Variants in CAMK1D observed in about 807,000 individuals in gnomAD.
CAMK1D encodes calcium/calmodulin dependent protein kinase ID.
A neutral mutation model predicts 47.7 loss-of-function variants in CAMK1D; 9 were observed. The ratio of observed to expected loss-of-function variants is 0.19; its 90% CI spans 0.11 to 0.33. CAMK1D has a LOEUF of 0.33. Among genes scored for constraint, CAMK1D ranks in the 10% least tolerant of loss-of-function variants. The probability of loss-of-function intolerance (pLI) is 1.00; values close to 1 mark genes in which losing one functional copy is unlikely to be tolerated. For missense variants in CAMK1D, 291 were observed against 488.7 expected (o/e 0.60, Z 3.81); for synonymous variants, 184 against 184.9 (o/e 0.99, Z 0.04).
chr10:12,580,451 A>C (rs868043498), intron 2 of CAMK1D, among the ~76,000 whole-genome samples: 2 of 150,200 alleles, frequency 1.3e-5, no homozygotes, highest in South Asian at 4.2e-4. Context: ...TGACTCTGCA[A>C]TTGTTGAATT....
chr10:12,615,091 A>G (rs1838741626), intron 2 of CAMK1D, among the ~76,000 whole-genome samples: 1 of 152,178 alleles, frequency 6.6e-6, no homozygotes. Flanking sequence ...AATGGCAGGC[A>G]GAACGCCTGA....
At chr10:12,763,639 C>T (rs1283911465) in intron 4 of CAMK1D, among the ~76,000 whole-genome samples, 4 of 152,154 alleles carry the variant, frequency 2.6e-5, no homozygotes, top group Non-Finnish European at 2.9e-5. Flanking sequence ...CTACAAATGT[C>T]CCTAGGCATT....
intron 1 of CAMK1D, among the ~76,000 whole-genome samples, chr10:12,432,847 G>C (rs760781674): frequency 1.1e-4 from 17 of 152,228 alleles, no homozygotes; most frequent in Non-Finnish European, 2.4e-4. Context: ...TCGAAGGCCA[G>C]ATTCCACCCA....
chr10:12,752,876 G>C (rs1274417768), intron 3 of CAMK1D, among the ~76,000 whole-genome samples: 2 of 152,182 alleles, frequency 1.3e-5, no homozygotes, highest in African/African-American at 4.8e-5. Flanking sequence ...GCCTTTGACA[G>C]AGCCATCTCC....
At chr10:12,415,958 G>A (rs887855712) in intron 1 of CAMK1D, 12 of 151,994 alleles carry the variant, frequency 7.9e-5, no homozygotes, top group African/African-American at 2.9e-4. Context: ...TGAATCTGAG[G>A]TTGATTATTA....
chr10:12,529,418 C>T (rs770331310), intron 1 of CAMK1D, among the ~76,000 whole-genome samples: 59 of 152,182 alleles, frequency 3.9e-4, no homozygotes, highest in Admixed American at 1.2e-3. Flanking sequence ...TGGAGTGTCT[C>T]GTCCACATTG....
At chr10:12,605,364 G>GTGTGTGTGTGTGTA (rs765582821) in intron 2 of CAMK1D, among the ~76,000 whole-genome samples, 1 of 151,330 alleles carries the variant, frequency 6.6e-6, no homozygotes, top group Admixed American at 6.6e-5. Flanking sequence ...GTGTGTGTGT[G>GTGTGTGTGTGTGTA]TGTATGTGTG....
At chr10:12,606,880 T>A (rs1308220112) in intron 2 of CAMK1D, among the ~76,000 whole-genome samples, 1 of 152,094 alleles carries the variant, frequency 6.6e-6, no homozygotes, top group Non-Finnish European at 1.5e-5. Flanking sequence ...CGGGCTGGAG[T>A]GCCGTGGCGC....
intron 2 of CAMK1D, among the ~76,000 whole-genome samples, chr10:12,599,675 C>T (rs17151950): frequency 0.03 from 4,502 of 152,272 alleles, 226 homozygotes; most frequent in African/African-American, 0.1. Context: ...TTGTGTCCTC[C>T]ATGAAGAGAT....
At chr10:12,736,085 C>A (rs1427936257) in intron 3 of CAMK1D, among the ~76,000 whole-genome samples, 1 of 152,210 alleles carries the variant, frequency 6.6e-6, no homozygotes, top group Non-Finnish European at 1.5e-5. Flanking sequence ...TGAAATGTGG[C>A]CTTTCTTCAT....
chr10:12,404,332 C>T (rs972346638), intron 1 of CAMK1D, among the ~76,000 whole-genome samples: 2 of 152,126 alleles, frequency 1.3e-5, no homozygotes, highest in Non-Finnish European at 2.9e-5. Flanking sequence ...GGCGTGAGCC[C>T]CTGCGCCCGG....
intron 3 of CAMK1D, among the ~76,000 whole-genome samples, chr10:12,692,352 T>C (rs1832963183): frequency 6.6e-6 from 1 of 152,204 alleles, no homozygotes; most frequent in African/African-American, 2.4e-5. Context: ...CACACTTTGG[T>C]ATATGTTAGG....
intron 5 of CAMK1D, among the ~76,000 whole-genome samples, chr10:12,780,694 A>G (rs1023412431): frequency 6.6e-6 from 1 of 152,220 alleles, no homozygotes; most frequent in African/African-American, 2.4e-5. Flanking sequence ...TCTCACTTAA[A>G]TACCATATTT....
At chr10:12,443,706 T>C (rs1832851078) in intron 1 of CAMK1D, among the ~76,000 whole-genome samples, 1 of 152,198 alleles carries the variant, frequency 6.6e-6, no homozygotes, top group Admixed American at 6.5e-5. Context: ...CTTGGCTCAC[T>C]ACAGCCTCCG....
chr10:12,558,386 T>C (rs147964136), intron 2 of CAMK1D, among the ~76,000 whole-genome samples: 1 of 152,248 alleles, frequency 6.6e-6, no homozygotes, highest in African/African-American at 2.4e-5. Context: ...AAACCCCATC[T>C]CTATTCAAAC....
At chr10:12,524,137 T>C (rs1459665810) in intron 1 of CAMK1D, among the ~76,000 whole-genome samples, 2 of 151,552 alleles carry the variant, frequency 1.3e-5, no homozygotes, top group Non-Finnish European at 2.9e-5. Context: ...CGTAATTTTT[T>C]GTATTTTTTA....
intron 2 of CAMK1D, among the ~76,000 whole-genome samples, chr10:12,665,996 CA>C (rs1193639977): frequency 6.6e-6 from 1 of 152,032 alleles, no homozygotes; most frequent in African/African-American, 2.4e-5. Context: ...CATCTTATTA[CA>C]ATACTGATTC....
chr10:12,716,710 A>C (rs926624132), intron 3 of CAMK1D, among the ~76,000 whole-genome samples: 2 of 152,046 alleles, frequency 1.3e-5, no homozygotes, highest in African/African-American at 4.8e-5. Flanking sequence ...GGCATCATGC[A>C]GAGAGTGGGC....
chr10:12,554,912 G>A (rs1282996704), intron 2 of CAMK1D, among the ~76,000 whole-genome samples: 1 of 152,120 alleles, frequency 6.6e-6, no homozygotes, highest in African/African-American at 2.4e-5. Context: ...TGTCCACACC[G>A]TTCCCCACAC....
Sources: gnomAD v4.1 joint callset for allele counts (sites outside exome capture counted in the v4.1 genomes callset) on GRCh38, gnomAD v4.1.1 for gene constraint, MANE v1.5 for transcripts, NCBI Gene and HGNC (gene_info 2026-07-23, HGNC 2026-07-21) for gene names.